Variants in PCDH15 observed in about 807,000 individuals in gnomAD.
The protein encoded by PCDH15 is protocadherin related 15.
PCDH15 carries 129 observed loss-of-function variants against 178.5 expected under a neutral mutation model. The observed-to-expected ratio is 0.72, with a 90% CI of 0.63 to 0.84. The LOEUF (loss-of-function observed/expected upper bound fraction) is 0.84. PCDH15 is among the 40% of genes least tolerant of loss of function. The pLI is 0.00. For missense variants in PCDH15, 2,230 were observed against 2,099.9 expected (o/e 1.06, Z -1.21); for synonymous variants, 800 against 732.0 (o/e 1.09, Z -1.50).
intron 2 of PCDH15, among the ~76,000 whole-genome samples, chr10:55,021,505 G>C (rs1840327060): frequency 6.6e-6 from 1 of 152,058 alleles, no homozygotes; most frequent in Non-Finnish European, 1.5e-5. Flanking sequence ...TTCAGAATTT[G>C]GTCTTTTTTG....
intron 3 of PCDH15, among the ~76,000 whole-genome samples, chr10:54,498,904 A>C (rs942785191): frequency 6.6e-6 from 1 of 152,088 alleles, no homozygotes; most frequent in African/African-American, 2.4e-5. Context: ...GGAAGTAGGC[A>C]CTTCCTCACA....
rs1478425670 is a variant in PCDH15, at chr10:53,866,578, T to C, written c.3717+64A>G. On this transcript the variant is annotated intron_variant, in intron 27 of 37. Transcript: ENST00000644397. The stretch of plus-strand genomic sequence containing the variant: ...AATTAATCTTAGAAGTTCTATAAAC[T>C]GAAAACACTGACCTATGGCTAGTAT... 8 of 1,239,412 alleles carry C rather than the reference T, an allele frequency of 6.5e-6. No homozygotes were observed. The East Asian group carries it at 1.9e-4, about 29-fold the overall frequency. 76.8% of individuals were successfully genotyped at this position (1,239,412 alleles called of 1,614,324 possible).
chr10:54,718,301 A>G (rs2095505708), intron 1 of PCDH15, among the ~76,000 whole-genome samples: 1 of 152,158 alleles, frequency 6.6e-6, no homozygotes, highest in Admixed American at 6.6e-5. Context: ...ACACAAGTCA[A>G]CAGACAAGTC....
chr10:53,834,373 T>C (rs1237208669), intron 29 of PCDH15, among the ~76,000 whole-genome samples: 2 of 152,100 alleles, frequency 1.3e-5, no homozygotes, highest in Non-Finnish European at 2.9e-5. Flanking sequence ...TTATATATTC[T>C]CCCTCTGGGT....
rs1283931814 is a variant in PCDH15, at chr10:54,230,149, A to G, written c.985+6674T>C. Among the ~76,000 whole-genome samples the G allele has an allele frequency of 2.6e-5, 4 of 152,202 alleles. 1 individual carries two copies. In the East Asian group the frequency reaches 7.7e-4, roughly 29 times the overall value. On this transcript the variant is annotated intron_variant, in intron 9 of 37. Coordinates refer to ENST00000644397, the MANE Select transcript of PCDH15 (RefSeq NM_001384140.1). ...TGGACTATTTTAAATAAATTCTATA[A>G]AGAACATTTTCTTTAAAAAATAATT...
At chr10:54,696,720 A>G (rs2095231787) in intron 1 of PCDH15, among the ~76,000 whole-genome samples, 1 of 151,900 alleles carries the variant, frequency 6.6e-6, no homozygotes, top group Non-Finnish European at 1.5e-5. Context: ...TTTAATTTCC[A>G]CCCTAAATTT....
At chr10:55,416,877 G>T (rs2132040655) in intron 2 of PCDH15, among the ~76,000 whole-genome samples, 1 of 151,882 alleles carries the variant, frequency 6.6e-6, no homozygotes. Context: ...ATCTTAATTT[G>T]TGAGTTTAAT....
chr10:55,485,406 TA>T (rs1840274909), intron 2 of PCDH15, among the ~76,000 whole-genome samples: 1 of 151,642 alleles, frequency 6.6e-6, no homozygotes, highest in African/African-American at 2.4e-5. Flanking sequence ...ATAAATGGGT[TA>T]AAAACATGCT....
At chr10:53,867,081 G>A (rs188445155) in intron 26 of PCDH15, among the ~76,000 whole-genome samples, 1 of 151,974 alleles carries the variant, frequency 6.6e-6, no homozygotes, top group Admixed American at 6.6e-5. Context: ...GCTGAAGTAT[G>A]AATAAAAGGG....
intron 6 of PCDH15, among the ~76,000 whole-genome samples, chr10:54,339,434 C>T (rs752810046): frequency 2.0e-5 from 3 of 152,032 alleles, no homozygotes; most frequent in Non-Finnish European, 4.4e-5. Flanking sequence ...AAATTAAATG[C>T]CCCTAATTAA....
At chr10:55,339,352 G>T (rs1844487575) in intron 2 of PCDH15, among the ~76,000 whole-genome samples, 1 of 151,992 alleles carries the variant, frequency 6.6e-6, no homozygotes, top group Non-Finnish European at 1.5e-5. Flanking sequence ...GGAGTAACCT[G>T]CTGTCGGACC....
chr10:55,540,324 C>A (rs977874010), intron 2 of PCDH15, among the ~76,000 whole-genome samples: 11 of 151,996 alleles, frequency 7.2e-5, no homozygotes, highest in African/African-American at 2.7e-4. Flanking sequence ...GGATTTTCCA[C>A]CCCATAGATG....
At chr10:55,598,663 T>A (rs563789246) in intron 2 of PCDH15, among the ~76,000 whole-genome samples, 1 of 150,748 alleles carries the variant, frequency 6.6e-6, no homozygotes, top group East Asian at 2.0e-4. Context: ...ACAATAACCT[T>A]CATGAAATCT....
chr10:55,442,020 C>CTGG (rs1236105927), intron 2 of PCDH15, among the ~76,000 whole-genome samples: 5 of 152,058 alleles, frequency 3.3e-5, no homozygotes, highest in African/African-American at 1.2e-4. Context: ...ATCTGTAGAG[C>CTGG]AACTAAAGGG....
At chr10:55,438,582 G>A (rs1316331896) in intron 2 of PCDH15, among the ~76,000 whole-genome samples, 2 of 152,016 alleles carry the variant, frequency 1.3e-5, no homozygotes, top group East Asian at 3.9e-4. Flanking sequence ...ATAAAAAGAG[G>A]TAAAATATAG....
intron 2 of PCDH15, among the ~76,000 whole-genome samples, chr10:54,911,225 A>G (rs1954808524): frequency 6.6e-6 from 1 of 152,170 alleles, no homozygotes; most frequent in Admixed American, 6.6e-5. Flanking sequence ...CTCAGATTTC[A>G]TAGAAGGAGT....
At chr10:54,152,069 A>C (rs185900144) in intron 14 of PCDH15, among the ~76,000 whole-genome samples, 42 of 152,346 alleles carry the variant, frequency 2.8e-4, no homozygotes, top group African/African-American at 9.9e-4. Context: ...GATGAATATC[A>C]CAATGTATTG....
chr10:55,045,947 C>T (rs1009423539), intron 2 of PCDH15, among the ~76,000 whole-genome samples: 4 of 151,998 alleles, frequency 2.6e-5, no homozygotes, highest in Admixed American at 6.6e-5. Context: ...TAATTGTTCT[C>T]CAGTAGGACT....
chr10:54,221,880 G>A (rs930079617), intron 9 of PCDH15, among the ~76,000 whole-genome samples: 3 of 152,186 alleles, frequency 2.0e-5, no homozygotes, highest in Admixed American at 1.3e-4. Flanking sequence ...TGGGATTACA[G>A]GCATGAGCCA....
Sources: allele counts gnomAD v4.1 joint callset (sites outside exome capture counted in the v4.1 genomes callset), GRCh38; gene constraint gnomAD v4.1.1; transcripts MANE v1.5; gene names NCBI Gene and HGNC (gene_info 2026-07-23, HGNC 2026-07-21).